ZNF804A: variants seen among roughly 807,000 people sequenced by gnomAD.
ZNF804A encodes the protein zinc finger protein 804A.
ZNF804A carries 2 observed loss-of-function variants against 16.5 expected under a neutral mutation model. The observed-to-expected ratio is 0.12, with a 90% CI of 0.05 to 0.38. ZNF804A has a LOEUF of 0.38. ZNF804A is among the 10% of genes least tolerant of loss of function. ZNF804A has a pLI of 0.99. For synonymous variants in ZNF804A, 534 were observed against 489.6 expected (o/e 1.09, Z -1.20); for missense variants, 1,473 against 1,390.7 (o/e 1.06, Z -0.94).
chr2:184,938,064 G>T lies in ZNF804A; in HGVS notation c.2668G>T (p.Glu890Ter). ...SFHPNNLLPSETNGETEHLEM... is the reference protein window; with the variant it reads ...SFHPNNLLPS ...CCACCCTAACAATCTCCTTCCTTCT[G>T]AAACCAATGGTGAAACTGAGCATTT... is the stretch of plus-strand genomic sequence containing the variant. The change falls in exon 4 of 4, where the codon GAA (glutamate) becomes TAA (stop). Residue 890 changes from glutamate (E) to a stop codon, truncating the protein, a stop_gained. Transcript: ENST00000302277. LOFTEE classifies it low-confidence loss of function (END_TRUNC). 1 of 1,614,068 alleles carries T rather than the reference G, an allele frequency of 6.2e-7. No homozygotes were observed. The highest frequency in any genetic ancestry group is 8.5e-7 in the Non-Finnish European group (1 of 1,180,008).
intron 2 of ZNF804A, among the ~76,000 whole-genome samples, chr2:184,900,342 A>G (rs1056847339): frequency 1.3e-5 from 2 of 152,108 alleles, no homozygotes; most frequent in African/African-American, 2.4e-5. Context: ...CTGCGTATCA[A>G]TGGTGCTACA....
chr2:184,610,753 T>G (rs577192005), intron 1 of ZNF804A, among the ~76,000 whole-genome samples: 1 of 152,338 alleles, frequency 6.6e-6, no homozygotes, highest in East Asian at 1.9e-4. Flanking sequence ...ATGACTGCTT[T>G]CACTCCAGAA....
chr2:184,630,966 T>C (rs1691597716), intron 1 of ZNF804A, among the ~76,000 whole-genome samples: 1 of 152,170 alleles, frequency 6.6e-6, no homozygotes, highest in Non-Finnish European at 1.5e-5. Context: ...AATAAATATG[T>C]AGCACAAAGT....
rs373538053 is a variant in ZNF804A, at chr2:184,668,391, T to TA, written c.111+69325dup. Among the ~76,000 whole-genome samples the TA allele has an allele frequency of 4.4e-3, 664 of 152,000 alleles. 12 individuals are homozygous for TA. The highest frequency in any genetic ancestry group is 0.015 in the African/African-American group (608 of 41,558). Reference sequence around the variant, plus strand: ...GTTCACATTTATAATAAATTACAAATAAAATATAATAACCTGCTAATTTTT... The same window carrying TA: ...GTTCACATTTATAATAAATTACAAATAAAAATATAATAACCTGCTAATTTTT... On this transcript the variant is annotated intron_variant, in intron 1 of 3. Transcript: ENST00000302277.
chr2:184,714,848 G>A (rs1693188397), intron 1 of ZNF804A, among the ~76,000 whole-genome samples: 1 of 152,100 alleles, frequency 6.6e-6, no homozygotes, highest in African/African-American at 2.4e-5. Flanking sequence ...ATTTCTTAAT[G>A]TGAAGGACAA....
intron 1 of ZNF804A, among the ~76,000 whole-genome samples, chr2:184,808,044 A>G (rs972598353): frequency 2.1e-4 from 32 of 151,762 alleles, no homozygotes; most frequent in African/African-American, 7.5e-4. Flanking sequence ...TAGCAACAAA[A>G]AGGTAATATT....
At chr2:184,855,630 A>G (rs898172826) in intron 1 of ZNF804A, among the ~76,000 whole-genome samples, 2 of 151,976 alleles carry the variant, frequency 1.3e-5, no homozygotes, top group Non-Finnish European at 2.9e-5. Context: ...ACACACACAC[A>G]CACACACATA....
chr2:184,725,953 A>G (rs555000023), intron 1 of ZNF804A, among the ~76,000 whole-genome samples: 1 of 151,696 alleles, frequency 6.6e-6, no homozygotes, highest in Non-Finnish European at 1.5e-5. Context: ...AGGTGTTTGC[A>G]TTCATTTAGA....
intron 1 of ZNF804A, among the ~76,000 whole-genome samples, chr2:184,816,108 G>A (rs988099817): frequency 2.6e-5 from 4 of 151,944 alleles, no homozygotes; most frequent in Non-Finnish European, 5.9e-5. Context: ...TTTCCCTCAG[G>A]CAATAAAAGA....
chr2:184,882,667 A>T (rs964339158), intron 2 of ZNF804A, among the ~76,000 whole-genome samples: 1 of 152,094 alleles, frequency 6.6e-6, no homozygotes, highest in Non-Finnish European at 1.5e-5. Flanking sequence ...CATGGAAATT[A>T]AACAGCCTGC....
At chr2:184,860,534 C>T (rs1003998333) in intron 1 of ZNF804A, among the ~76,000 whole-genome samples, 1 of 152,140 alleles carries the variant, frequency 6.6e-6, no homozygotes, top group East Asian at 1.9e-4. Context: ...TTTGGCCCAG[C>T]ACATGGGTCC....
chr2:184,839,289 A>G (rs956499260), intron 1 of ZNF804A, among the ~76,000 whole-genome samples: 4 of 152,074 alleles, frequency 2.6e-5, no homozygotes, highest in Non-Finnish European at 5.9e-5. Flanking sequence ...TTATTATTTT[A>G]ATAGCTACAA....
chr2:184,793,934 A>G (rs1373247333), intron 1 of ZNF804A, among the ~76,000 whole-genome samples: 2 of 152,086 alleles, frequency 1.3e-5, no homozygotes, highest in Non-Finnish European at 2.9e-5. Context: ...GTATTCCATC[A>G]TATACATACA....
intron 1 of ZNF804A, among the ~76,000 whole-genome samples, chr2:184,860,609 G>A (rs75381560): frequency 1.3e-5 from 2 of 152,142 alleles, no homozygotes; most frequent in African/African-American, 2.4e-5. Context: ...CCCAGAAAGA[G>A]TCCGCAAGGA....
At chr2:184,748,345 T>C (rs963148882) in intron 1 of ZNF804A, among the ~76,000 whole-genome samples, 2 of 151,538 alleles carry the variant, frequency 1.3e-5, no homozygotes, top group African/African-American at 2.4e-5. Context: ...TGGTTTCTCA[T>C]TGGGATCTTA....
intron 1 of ZNF804A, among the ~76,000 whole-genome samples, chr2:184,735,430 C>T (rs532861544): frequency 7.9e-5 from 12 of 151,846 alleles, no homozygotes; most frequent in African/African-American, 2.7e-4. Context: ...CATCACACAC[C>T]GGGGCCTGTT....
At chr2:184,924,198 G>A (rs13385508) in intron 2 of ZNF804A, among the ~76,000 whole-genome samples, 2,012 of 151,878 alleles carry the variant, frequency 0.013, 45 homozygotes, top group African/African-American at 0.046. Flanking sequence ...GTCATCAGGT[G>A]CTGGGATTTT....
intron 2 of ZNF804A, among the ~76,000 whole-genome samples, chr2:184,879,230 G>A (rs1684768534): frequency 6.6e-6 from 1 of 151,926 alleles, no homozygotes; most frequent in African/African-American, 2.4e-5. Context: ...ATTTGAGGTT[G>A]AAAATACTAT....
chr2:184,878,869 C>T (rs1408993045), intron 2 of ZNF804A, among the ~76,000 whole-genome samples: 5 of 151,686 alleles, frequency 3.3e-5, no homozygotes, highest in Admixed American at 1.3e-4. Context: ...AGACCATACC[C>T]GAATTTTCAG....
Sources: allele counts gnomAD v4.1 joint callset (sites outside exome capture counted in the v4.1 genomes callset), GRCh38; gene constraint gnomAD v4.1.1; transcripts MANE v1.5; gene names NCBI Gene and HGNC (gene_info 2026-07-23, HGNC 2026-07-21).